The following CD163L1 variants were observed in gnomAD, a reference collection of about 807,000 sequenced individuals.
CD163L1 encodes CD163 molecule like 1.
CD163L1 carries 124 observed loss-of-function variants against 165.4 expected under a neutral mutation model. The ratio of observed to expected loss-of-function variants is 0.75; its 90% CI spans 0.65 to 0.87. The LOEUF (loss-of-function observed/expected upper bound fraction) is 0.87. Among genes scored for constraint, CD163L1 ranks in the 40% least tolerant of loss-of-function variants. CD163L1 has a pLI of 0.00. For synonymous variants in CD163L1, 585 were observed against 662.2 expected (o/e 0.88, Z 1.79); for missense variants, 1,525 against 1,799.9 (o/e 0.85, Z 2.76).
At chr12:7,345,342 T>C (rs1368026931), downstream of CD163L1, among the ~76,000 whole-genome samples, 1 of 152,142 alleles carries the variant, frequency 6.6e-6, no homozygotes, top group East Asian at 1.9e-4. Context: ...ATCACTTAAG[T>C]TGAAACTTCC....
At chr12:7,352,938 T>C (rs2136366301), downstream of CD163L1, among the ~76,000 whole-genome samples, 1 of 152,082 alleles carries the variant, frequency 6.6e-6, no homozygotes, top group Non-Finnish European at 1.5e-5. Flanking sequence ...AAGTGATCTA[T>C]ACATACCAAA....
intron 8 of CD163L1, among the ~76,000 whole-genome samples, chr12:7,390,881 C>A (rs1034485580): frequency 6.6e-6 from 1 of 152,034 alleles, no homozygotes; most frequent in Admixed American, 6.6e-5. Flanking sequence ...TTCTTTGCAC[C>A]ATTTTAAAGT....
Position 7,441,177 on chromosome 12 carries a change from G to A in CD163L1, c.101C>T (p.Ser34Phe), listed in dbSNP as rs957319890. ...AVVTCILLLN[S>F]CFLISSFNGT... The stretch of plus-strand genomic sequence containing the variant: ...ACTAAAACTGCTGATGAGAAAGCAG[G>A]AATTCAGGAGCAGGATGCAAGTTAC... The change falls in exon 2 of 20, where the codon TCC becomes TTC. Residue 34 changes from serine (S) to phenylalanine (F), a missense_variant. Coordinates refer to ENST00000313599, the MANE Select transcript of CD163L1 (RefSeq NM_174941.6). 1.9e-6 allele frequency: 3 copies of A among 1,613,980 alleles called. No individual in the cohort carries two copies. The highest frequency in any genetic ancestry group is 1.6e-4 in the Middle Eastern group (1 of 6,062).
At position 7,440,164 on chromosome 12, in the gene CD163L1, C is replaced by T. The variant is rs769341877; in HGVS notation, c.124+990G>A. ...TCCCGCTCAGGCTCCGCCGCCTGCT[C>T]TTGGCTCCGGGTAGCCGGCCAGGGC... On this transcript the variant is annotated intron_variant, in intron 2 of 19. Transcript: ENST00000313599. Among the ~76,000 whole-genome samples the T allele has an allele frequency of 3.3e-5, 5 of 152,378 alleles. 1 individual carries two copies. Among genetic ancestry groups the T allele is most frequent in the East Asian group, 1.9e-4 (1 of 5,192 alleles).
the CD163L1 span, among the ~76,000 whole-genome samples, chr12:7,329,767 T>G: frequency 3.9e-5 from 6 of 152,184 alleles, no homozygotes; most frequent in Admixed American, 3.9e-4. Context: ...GAAAACAAAT[T>G]TTTTAATGAG....
chr12:7,443,455 T>C (rs1190967927), intron 1 of CD163L1, among the ~76,000 whole-genome samples: 1 of 152,272 alleles, frequency 6.6e-6, no homozygotes, highest in Non-Finnish European at 1.5e-5. Flanking sequence ...TCAGATGTGC[T>C]GTGAAAGACT....
At chr12:7,421,188 T>C (rs1165191864) in intron 4 of CD163L1, among the ~76,000 whole-genome samples, 2 of 135,492 alleles carry the variant, frequency 1.5e-5, no homozygotes, top group Non-Finnish European at 3.1e-5. Context: ...TATATATGTG[T>C]ATATATGTAT....
downstream of CD163L1, among the ~76,000 whole-genome samples, chr12:7,346,094 C>G (rs529401392): frequency 5.8e-4 from 88 of 151,672 alleles, 1 homozygote; most frequent in Non-Finnish European, 1.1e-3. Context: ...CCAATTTACT[C>G]TGATATTTGT....
intron 14 of CD163L1, among the ~76,000 whole-genome samples, chr12:7,370,494 A>G (rs1296495498): frequency 6.6e-6 from 1 of 152,220 alleles, no homozygotes. Flanking sequence ...ATTGGATTTT[A>G]GTTCCCGTAA....
intron 4 of CD163L1, among the ~76,000 whole-genome samples, chr12:7,417,034 T>A (rs1202705786): frequency 1.3e-5 from 2 of 152,074 alleles, no homozygotes; most frequent in African/African-American, 4.8e-5. Context: ...ATGATATTGA[T>A]CCTCCCTATT....
intron 3 of CD163L1, 135 bp downstream of exon 3, chr12:7,433,239 G>T: frequency 1.5e-6 from 1 of 676,054 alleles, no homozygotes; most frequent in Non-Finnish European, 2.4e-6. Flanking sequence ...AATAAGGGAA[G>T]GGTAGAATAT....
Position 7,374,828 on chromosome 12 carries a change from T to C in CD163L1, c.3094+3A>G. ...AGTGTTTCCTAAAACTGATTCTGCT[T>C]ACCTAAGCAGATCAAAGCACTGCCC... On this transcript the variant is annotated splice_donor_region_variant and intron_variant, in intron 12 of 19. Coordinates refer to ENST00000313599, the MANE Select transcript of CD163L1 (RefSeq NM_174941.6). This position sits in a 1 kb window ranked among gnomAD's most constrained non-coding sequence, Gnocchi z 5.4. 6.2e-7 allele frequency: 1 copy of C among 1,614,176 alleles called. No homozygotes were observed. The highest frequency in any genetic ancestry group is 8.5e-7 in the Non-Finnish European group (1 of 1,179,998).
chr12:7,331,261 C>T, the CD163L1 span, among the ~76,000 whole-genome samples: 1 of 152,358 alleles, frequency 6.6e-6, no homozygotes, highest in Non-Finnish European at 1.5e-5. Flanking sequence ...ATTGCCCAGG[C>T]TTGAGTAGGT....
At chr12:7,323,441 T>C in the CD163L1 span, 1 of 1,612,214 alleles carries the variant, frequency 6.2e-7, no homozygotes, top group Non-Finnish European at 8.5e-7. Context: ...AGACCATCAA[T>C]TATTTCTTTC....
chr12:7,356,219 T>G (rs1203403074), intron 19 of CD163L1, among the ~76,000 whole-genome samples: 2 of 152,144 alleles, frequency 1.3e-5, no homozygotes, highest in Non-Finnish European at 2.9e-5. Context: ...TCAATGAACT[T>G]TTCCAAATAG....
chr12:7,421,310 C>A (rs1381419544), intron 4 of CD163L1, among the ~76,000 whole-genome samples: 1 of 98,202 alleles, frequency 1.0e-5, no homozygotes, highest in African/African-American at 4.2e-5. Context: ...TGTATATATA[C>A]ATTTGGAAGA....
At chr12:7,440,222 C>T (rs988900330) in intron 2 of CD163L1, among the ~76,000 whole-genome samples, 2 of 152,100 alleles carry the variant, frequency 1.3e-5, no homozygotes, top group Non-Finnish European at 2.9e-5. Flanking sequence ...CCGCGGCCGG[C>T]CCTCCGCGCA....
intron 8 of CD163L1, among the ~76,000 whole-genome samples, chr12:7,388,641 GA>G (rs1947573622): frequency 6.6e-6 from 1 of 151,574 alleles, no homozygotes; most frequent in Non-Finnish European, 1.5e-5. Flanking sequence ...CTACTTGGGG[GA>G]CTGAGGTGGG....
chr12:7,324,439 CAGGG>C, the CD163L1 span: 1 of 1,613,860 alleles, frequency 6.2e-7, no homozygotes, highest in Non-Finnish European at 8.5e-7. Context: ...AACAATTCGA[CAGGG>C]AGGGAGATCT....
Sources: gnomAD v4.1 joint callset for allele counts (sites outside exome capture counted in the v4.1 genomes callset) on GRCh38, gnomAD v4.1.1 for gene constraint, Gnocchi (gnomAD v3.1) non-coding constraint, MANE v1.5 for transcripts, NCBI Gene and HGNC (gene_info 2026-07-23, HGNC 2026-07-21) for gene names.